KIRREL1: variants seen among roughly 807,000 people sequenced by gnomAD.
KIRREL1 encodes kirre like nephrin family adhesion molecule 1, also known as kin of IRRE-like protein 1.
Under a neutral mutation model 83.3 loss-of-function variants are expected in KIRREL1, and 25 were observed. That is an observed-to-expected ratio of 0.30 (90% CI 0.22 to 0.42). The LOEUF (loss-of-function observed/expected upper bound fraction) is 0.42. Among genes scored for constraint, KIRREL1 ranks in the 10% least tolerant of loss-of-function variants. The probability of loss-of-function intolerance (pLI) is 1.00; values close to 1 mark genes in which losing one functional copy is unlikely to be tolerated. For synonymous variants in KIRREL1, 388 were observed against 410.4 expected (o/e 0.95, Z 0.66); for missense variants, 812 against 1,032.3 (o/e 0.79, Z 2.92).
In KIRREL1 at chr1:158,089,544, C is replaced by T; in HGVS notation, c.1087C>T (p.Gln363Ter). Residue 363 changes from glutamine to a stop codon, truncating the protein, a stop_gained, in exon 9 of 15, where the codon CAG (glutamine) becomes TAG (stop). Transcript: ENST00000359209. LOFTEE classifies it high-confidence loss of function. Reference protein sequence around the residue: ...SNQLLLKSVTQADAGTYTCRA... With the variant: ...SNQLLLKSVT ...CCAGCTGCTGCTGAAGTCGGTGACT[C>T]AGGCAGACGCTGGCACCTACACCTG... The T allele has an allele frequency of 6.2e-7, 1 of 1,614,184 alleles. No individual in the cohort carries two copies. The highest frequency in any genetic ancestry group is 8.5e-7 in the Non-Finnish European group (1 of 1,180,030).
Position 158,097,267 on chromosome 1 carries a change from C to T in KIRREL1, c.*2147C>T. The T allele has an allele frequency of 3.4e-6, 1 of 291,064 alleles. No homozygotes were observed. The highest frequency in any genetic ancestry group is 6.7e-6 in the Non-Finnish European group (1 of 149,362). 18.0% of individuals were successfully genotyped at this position (291,064 alleles called of 1,614,324 possible). A position where few individuals can be genotyped will look rare whatever the true frequency, so the allele number is the denominator to read the frequency against. The stretch of plus-strand genomic sequence containing the variant: ...CTATTATTTTCACAAAAACCAGAAA[C>T]CATGGGGGAATCCAAAGACTTGAAG... On this transcript the variant is annotated 3_prime_UTR_variant, in exon 15 of 15. Transcript: ENST00000359209.
chr1:158,000,556 A>G (rs1233160991), intron 1 of KIRREL1, among the ~76,000 whole-genome samples: 1 of 152,200 alleles, frequency 6.6e-6, no homozygotes, highest in East Asian at 1.9e-4. Flanking sequence ...GAACCTAATT[A>G]AGTTCTTGGA....
At chr1:158,080,406 G>A (rs1661814600) in intron 3 of KIRREL1, among the ~76,000 whole-genome samples, 1 of 152,150 alleles carries the variant, frequency 6.6e-6, no homozygotes, top group Non-Finnish European at 1.5e-5. Context: ...GAATATCAAG[G>A]GGAACCCTAG....
intron 1 of KIRREL1, among the ~76,000 whole-genome samples, chr1:158,069,997 G>A (rs535834100): frequency 2.0e-5 from 3 of 152,288 alleles, no homozygotes; most frequent in South Asian, 4.1e-4. Flanking sequence ...GTTGACAGTC[G>A]TTCCAGCCTT....
chr1:158,056,614 G>A (rs912641), intron 1 of KIRREL1, among the ~76,000 whole-genome samples: 144,995 of 152,282 alleles, frequency 0.95, 69,444 homozygotes, highest in East Asian at 1. Context: ...CCCTGGTCAC[G>A]TGTCACTGCT....
At position 158,094,946 on chromosome 1, in the gene KIRREL1, G is replaced by A; in HGVS notation, c.2100G>A (p.Gly700=). 6.2e-7 allele frequency: 1 copy of A among 1,613,942 alleles called. No individual in the cohort carries two copies. The highest frequency in any genetic ancestry group is 8.5e-7 in the Non-Finnish European group (1 of 1,179,948). Reference sequence around the variant, plus strand: ...CCCATCCCTTCCCTGGGGCAGCTGGGTACCCCACCTACCGACTGGGCTACC... The same window carrying A: ...CCCATCCCTTCCCTGGGGCAGCTGGATACCCCACCTACCGACTGGGCTACC... The part of the protein sequence containing the change: ...FNSHPFPGAA[G]YPTYRLGYPQ... The change falls in exon 15 of 15, where the codon GGG becomes GGA. Residue 700 remains glycine, a synonymous_variant. Coordinates refer to ENST00000359209, the MANE Select transcript of KIRREL1 (RefSeq NM_018240.7). This position sits in a 1 kb window ranked among gnomAD's most constrained non-coding sequence, Gnocchi z 4.6.
chr1:158,058,694 G>A (rs562518416), intron 1 of KIRREL1, among the ~76,000 whole-genome samples: 1 of 152,312 alleles, frequency 6.6e-6, no homozygotes, highest in South Asian at 2.1e-4. Context: ...GGGATTTTCA[G>A]TCCCTCGGGG....
At chr1:158,063,865 G>A (rs543885006) in intron 1 of KIRREL1, among the ~76,000 whole-genome samples, 28 of 152,128 alleles carry the variant, frequency 1.8e-4, no homozygotes, top group Middle Eastern at 3.2e-3. Flanking sequence ...GGCCGCTGTC[G>A]CACTGTATGG....
At chr1:158,009,402 G>C (rs947727195) in intron 1 of KIRREL1, among the ~76,000 whole-genome samples, 4 of 152,192 alleles carry the variant, frequency 2.6e-5, no homozygotes, top group Admixed American at 1.3e-4. Flanking sequence ...GAAAAGACTG[G>C]TGACAGTATA....
rs187094330 is a variant in KIRREL1 at position 157,995,983 on chromosome 1, C to G, written c.52+2255C>G. ...GCTTGGCAGGACCCCCTTTCCTTAG[C>G]CTCCATCCTCAGAAAGGAGCTCTAG... On this transcript the variant is annotated intron_variant, in intron 1 of 14. Transcript: ENST00000359209. Among the ~76,000 whole-genome samples, 17 of 151,266 alleles carry G rather than the reference C, an allele frequency of 1.1e-4. No individual in the cohort carries two copies. The East Asian group carries it at 3.2e-3, about 28-fold the overall frequency.
intron 1 of KIRREL1, among the ~76,000 whole-genome samples, chr1:158,008,164 T>G (rs1439026933): frequency 2.0e-4 from 28 of 142,902 alleles, no homozygotes; most frequent in South Asian, 2.3e-4. Flanking sequence ...GCGAGGGGGG[T>G]GGGGAGGAAG....
intron 1 of KIRREL1, among the ~76,000 whole-genome samples, chr1:158,047,876 A>G (rs893363605): frequency 2.6e-5 from 4 of 152,106 alleles, no homozygotes; most frequent in African/African-American, 9.7e-5. Context: ...CAGCTGAAAC[A>G]TTTCCTAACC....
intron 1 of KIRREL1, among the ~76,000 whole-genome samples, chr1:158,049,798 A>G (rs1458767657): frequency 6.6e-6 from 1 of 152,134 alleles, no homozygotes; most frequent in Non-Finnish European, 1.5e-5. Context: ...GCTATGAGGT[A>G]GGAGAAGAAA....
rs374133612 is a variant in KIRREL1, at chr1:158,036,063, A to C, written c.53-40050A>C. Among the ~76,000 whole-genome samples, 15 of 152,284 alleles carry C rather than the reference A, an allele frequency of 9.9e-5. No individual in the cohort carries two copies. In the Middle Eastern group the frequency reaches 0.017, roughly 173 times the overall value. On this transcript the variant is annotated intron_variant, in intron 1 of 14. Coordinates refer to ENST00000359209, the MANE Select transcript of KIRREL1 (RefSeq NM_018240.7). ...GGACAGATACTTTTCCTAAACCAAC[A>C]GTCAAAACCCAGGGATACTGGGGAT...
At chr1:157,994,388 G>T (rs11578195) in intron 1 of KIRREL1, among the ~76,000 whole-genome samples, 4,828 of 150,796 alleles carry the variant, frequency 0.032, 94 homozygotes, top group African/African-American at 0.063. Flanking sequence ...TTGATACAGA[G>T]GGGGGGAACT....
chr1:158,093,194 A>G (rs767448285), intron 11 of KIRREL1, 145 bp from the exon 12 acceptor site: 1 of 698,460 alleles, frequency 1.4e-6, no homozygotes, highest in Non-Finnish European at 2.6e-6. Context: ...TAAACCTAAC[A>G]CTGTCCCCAG....
At chr1:158,071,532 C>T (rs1271196993) in intron 1 of KIRREL1, among the ~76,000 whole-genome samples, 1 of 152,216 alleles carries the variant, frequency 6.6e-6, no homozygotes, top group Non-Finnish European at 1.5e-5. Context: ...CGCAGAATCT[C>T]ACTGGCTGGC....
chr1:158,027,613 G>T (rs555070073), intron 1 of KIRREL1, among the ~76,000 whole-genome samples: 2 of 152,204 alleles, frequency 1.3e-5, no homozygotes, highest in African/African-American at 4.8e-5. Context: ...GACACTTATC[G>T]CTTGGGAGAT....
intron 1 of KIRREL1, among the ~76,000 whole-genome samples, chr1:158,046,268 C>T (rs766627441): frequency 2.0e-5 from 3 of 152,058 alleles, no homozygotes; most frequent in East Asian, 1.9e-4. Context: ...ATGGATTGGA[C>T]GAAGGGTGAG....
Sources: gnomAD v4.1 joint callset for allele counts (sites outside exome capture counted in the v4.1 genomes callset) on GRCh38, gnomAD v4.1.1 for gene constraint, Gnocchi (gnomAD v3.1) non-coding constraint, MANE v1.5 for transcripts, NCBI Gene and HGNC (gene_info 2026-07-23, HGNC 2026-07-21) for gene names.